The following TECPR1 variants were observed in gnomAD, a reference collection of about 807,000 sequenced individuals.
TECPR1 encodes the protein tectonin beta-propeller repeat containing 1.
TECPR1 carries 122 observed loss-of-function variants against 162.4 expected under a neutral mutation model. That is an observed-to-expected ratio of 0.75 (90% CI 0.65 to 0.87). TECPR1 has a LOEUF of 0.87. Among genes scored for constraint, TECPR1 ranks in the 40% least tolerant of loss-of-function variants. TECPR1 has a pLI of 0.00. For synonymous variants in TECPR1, 642 were observed against 670.6 expected, an observed-to-expected ratio of 0.96 and a Z score of 0.66; for missense variants, 1,432 against 1,618.2, an observed-to-expected ratio of 0.88 and a Z score of 1.97.
At position 98,245,914 on chromosome 7, in the gene TECPR1, G is replaced by A. The variant is rs781325609; in HGVS notation, c.225+8C>T. ...CCGCTCGGCAACTCCAACCATGAGG[G>A]TCACTACCTGATTCTCATAGGCCTC... On this transcript the variant is annotated splice_region_variant and intron_variant, in intron 3 of 25. Coordinates refer to ENST00000447648, the MANE Select transcript of TECPR1 (RefSeq NM_015395.3). 1.9e-6 allele frequency: 3 copies of A among 1,588,208 alleles called. No homozygotes were observed. The African/African-American group carries it at 4.0e-5, about 21-fold the overall frequency.
At chr7:98,229,992 C>CTTT (rs762228240) in intron 15 of TECPR1, among the ~76,000 whole-genome samples, 1 of 139,696 alleles carries the variant, frequency 7.2e-6, no homozygotes, top group Non-Finnish European at 1.6e-5. Flanking sequence ...CCCTTTGTGG[C>CTTT]TTTTTTTTTT....
intron 17 of TECPR1, among the ~76,000 whole-genome samples, chr7:98,225,666 T>C (rs1798264964): frequency 6.6e-6 from 1 of 152,134 alleles, no homozygotes; most frequent in African/African-American, 2.4e-5. Flanking sequence ...TCTTTCTTTC[T>C]TTTCAGAGAC....
rs1422826764 is a variant in TECPR1 at position 98,228,215 on chromosome 7, G to A, written c.2411-99C>T. ...ACAGATTCCCAGAGAGACGGGGAGGGCGGGCTGGAGCCAGGTCAGCGGAGA... is the reference window on the plus strand; with the variant it reads ...ACAGATTCCCAGAGAGACGGGGAGGACGGGCTGGAGCCAGGTCAGCGGAGA... On this transcript the variant is annotated intron_variant, in intron 16 of 25. Coordinates refer to ENST00000447648, the MANE Select transcript of TECPR1 (RefSeq NM_015395.3). The A allele has an allele frequency of 2.7e-5, 25 of 931,236 alleles. No homozygotes were observed. In the Admixed American group the frequency reaches 3.4e-4, roughly 13 times the overall value. 57.7% of individuals were successfully genotyped at this position (931,236 alleles called of 1,614,324 possible).
intron 10 of TECPR1, 80 bp from the exon 11 acceptor site, chr7:98,233,991 C>T (rs1246811503): frequency 6.9e-7 from 1 of 1,447,984 alleles, no homozygotes; most frequent in Non-Finnish European, 9.1e-7. Flanking sequence ...CCAGCGTGCT[C>T]CACCATGACT....
chr7:98,218,324 C>T (rs1043406936), intron 23 of TECPR1, among the ~76,000 whole-genome samples: 6 of 152,220 alleles, frequency 3.9e-5, no homozygotes, highest in Non-Finnish European at 5.9e-5. Context: ...CCTCCTGATC[C>T]TCTTTCTGCT....
chr7:98,240,257 G>A (rs533196910), intron 8 of TECPR1, among the ~76,000 whole-genome samples: 2 of 152,262 alleles, frequency 1.3e-5, no homozygotes, highest in South Asian at 2.1e-4. Flanking sequence ...ATTCGCTTCC[G>A]ATTCTTCGAA....
At position 98,233,679 on chromosome 7, in the gene TECPR1, G is replaced by A. The variant is rs773338690; in HGVS notation, c.1414C>T (p.Pro472Ser). 1 of 1,607,320 alleles carries A rather than the reference G, an allele frequency of 6.2e-7. No homozygotes were observed. The highest frequency in any genetic ancestry group is 8.5e-7 in the Non-Finnish European group (1 of 1,176,292). Reference protein sequence around the residue: ...CPAEGSREARPNTHPGPAPTP... With the variant: ...CPAEGSREARSNTHPGPAPTP... The stretch of plus-strand genomic sequence containing the variant: ...GGGGCCGGGCCGGGGTGCGTGTTGG[G>A]TCTGGCCTCCCTGCTGCCCTCGGCT... The change falls in exon 11 of 26, where the codon CCC becomes TCC. Residue 472 changes from proline (P) to serine (S), a missense_variant. Transcript: ENST00000447648.
chr7:98,238,324 C>A (rs372981285), intron 9 of TECPR1, among the ~76,000 whole-genome samples, 185 bp downstream of exon 9: 3 of 152,108 alleles, frequency 2.0e-5, no homozygotes, highest in South Asian at 2.1e-4. Context: ...GCTGTGCCAC[C>A]GGGGGGGTGG....
chr7:98,224,401 C>T (rs550238172), intron 19 of TECPR1, among the ~76,000 whole-genome samples: 153 of 152,334 alleles, frequency 1.0e-3, no homozygotes, highest in Admixed American at 1.3e-3. Context: ...AAGGGCCTGG[C>T]TCAAAGCCCC....
chr7:98,250,673 A>AC (rs757980127), intron 2 of TECPR1, among the ~76,000 whole-genome samples: 82 of 152,212 alleles, frequency 5.4e-4, no homozygotes, highest in Non-Finnish European at 7.5e-4. Flanking sequence ...AACAACAACA[A>AC]AACAAAGATA....
intron 17 of TECPR1, among the ~76,000 whole-genome samples, chr7:98,225,899 A>C (rs1798270027): frequency 6.6e-6 from 1 of 152,198 alleles, no homozygotes; most frequent in African/African-American, 2.4e-5. Context: ...CACTGGGATT[A>C]CAGGCGTGAA....
Position 98,218,430 on chromosome 7 carries a change from T to G in TECPR1, c.3158-388A>C, listed in dbSNP as rs146205297. 5.5e-3 allele frequency among the ~76,000 whole-genome samples: 842 copies of G among 152,300 alleles called. 10 individuals carry two copies. Among genetic ancestry groups the G allele is most frequent in the Middle Eastern group, 0.024 (7 of 294 alleles). Reference sequence around the variant, plus strand: ...CAAATCGAAAAAGAGGAAGTCACGGTGTGTCTGTTTGCCCATGATAGGATC... The same window carrying G: ...CAAATCGAAAAAGAGGAAGTCACGGGGTGTCTGTTTGCCCATGATAGGATC... On this transcript the variant is annotated intron_variant, in intron 23 of 25. Transcript: ENST00000447648.
rs990077633 is a variant in TECPR1, at chr7:98,236,906, A to G, written c.1051T>C (p.Cys351Arg). ...CGGAAGTACACGGCTCGGTCCTCAC[A>G]GCCAATGCCCCACACCTGGAAGAGA... The part of the protein sequence containing the change: ...GMNDQVWGIG[C>R]EDRAVYFRQG... The change falls in exon 10 of 26, where the codon TGT becomes CGT. Residue 351 changes from cysteine to arginine, a missense_variant. Transcript: ENST00000447648. 3.2e-6 allele frequency: 5 copies of G among 1,564,936 alleles called. 1 individual carries two copies. The South Asian group carries it at 4.7e-5, about 15-fold the overall frequency.
At chr7:98,224,296 C>G (rs954700729) in intron 19 of TECPR1, among the ~76,000 whole-genome samples, 1 of 152,200 alleles carries the variant, frequency 6.6e-6, no homozygotes, top group South Asian at 2.1e-4. Context: ...GCACCTGCAC[C>G]GCCAGGGTCC....
At position 98,231,329 on chromosome 7, in the gene TECPR1, C is replaced by G. The variant is rs559618936; in HGVS notation, c.2019G>C (p.Val673=). Residue 673 remains valine (V), a synonymous_variant, in exon 14 of 26, where the codon GTG becomes GTC. Transcript: ENST00000447648. ...CAAAGGAGTGCTTGGTCTCGTTCAG[C>G]ACTGGGACCAGCGCCACCACCTCAT... The part of the protein sequence containing the change: ...FLNEVVALVP[V]LNETKHSFAL... The G allele has an allele frequency of 1.7e-5, 28 of 1,610,932 alleles. 1 individual carries two copies. In the South Asian group the frequency reaches 3.0e-4, roughly 17 times the overall value.
At position 98,244,581 on chromosome 7, in the gene TECPR1, A is replaced by C; in HGVS notation, c.521T>G (p.Ile174Ser). The change falls in exon 5 of 26, where the codon ATC becomes AGC. Residue 174 changes from isoleucine to serine, a missense_variant. Ile to Ser is a moderately radical substitution (Grantham distance 142, BLOSUM62 -2). Coordinates refer to ENST00000447648, the MANE Select transcript of TECPR1 (RefSeq NM_015395.3). The part of the protein sequence containing the change: ...IRYRRYKSRD[I>S]WAKIPSKDDP... ...TTCAGGAACAGAGACCTTGGCCCAG[A>C]TGTCCCGGGACTTGTATCTCCTGTA... is the stretch of plus-strand genomic sequence containing the variant. 6.2e-7 allele frequency: 1 copy of C among 1,608,314 alleles called. No individual in the cohort carries two copies. The highest frequency in any genetic ancestry group is 8.5e-7 in the Non-Finnish European group (1 of 1,176,212).
intron 8 of TECPR1, among the ~76,000 whole-genome samples, chr7:98,239,836 C>G (rs1218083060): frequency 6.6e-6 from 1 of 152,034 alleles, no homozygotes; most frequent in Non-Finnish European, 1.5e-5. Context: ...ACTGGCCAGG[C>G]ACGGTGGCTC....
rs751546250 is a variant in TECPR1, at chr7:98,217,461, C to T, written c.3427G>A (p.Ala1143Thr). 6.2e-7 allele frequency: 1 copy of T among 1,610,470 alleles called. No homozygotes were observed. ...HISVRANATR[A>T]PRSSSQEQEP... ...TGCTCCTGGGACGAGCTCCGGGGGG[C>T]CCTGGTGGCATTGGCCCGGACAGAG... Residue 1143 changes from alanine (A) to threonine (T), a missense_variant, in exon 26 of 26, where the codon GCC becomes ACC. Ala to Thr is a moderately conservative substitution (Grantham distance 58). Transcript: ENST00000447648.
intron 15 of TECPR1, among the ~76,000 whole-genome samples, chr7:98,230,531 G>A (rs1284869200): frequency 1.3e-5 from 2 of 152,108 alleles, no homozygotes; most frequent in East Asian, 1.9e-4. Flanking sequence ...CTCCCACAGC[G>A]GCTCTCTCCT....
Sources: allele counts gnomAD v4.1 joint callset (sites outside exome capture counted in the v4.1 genomes callset), GRCh38; gene constraint gnomAD v4.1.1; transcripts MANE v1.5; gene names NCBI Gene and HGNC (gene_info 2026-07-23, HGNC 2026-07-21).